The following KLHDC4 variants were observed in gnomAD, a reference collection of about 807,000 sequenced individuals.
The protein encoded by KLHDC4 is kelch domain-containing protein 4.
Under a neutral mutation model 62.4 loss-of-function variants are expected in KLHDC4, and 90 were observed. That is an observed-to-expected ratio of 1.44 (90% CI 1.22 to 1.72). KLHDC4 has a LOEUF of 1.72. Ranked by LOEUF, KLHDC4 falls within the 40% of genes most tolerant of loss-of-function variation. The pLI is 0.00. For missense variants in KLHDC4, 1,025 were observed against 699.7 expected, an observed-to-expected ratio of 1.47 and a Z score of -5.25; for synonymous variants, 386 against 284.4, an observed-to-expected ratio of 1.36 and a Z score of -3.59.
intron 6 of KLHDC4, among the ~76,000 whole-genome samples, chr16:87,729,068 T>A (rs564210808): frequency 3.5e-4 from 53 of 152,290 alleles, no homozygotes; most frequent in African/African-American, 1.2e-3. Context: ...TGAGCCACTG[T>A]ACCCAGCCTT....
intron 6 of KLHDC4, among the ~76,000 whole-genome samples, chr16:87,729,998 G>T (rs2040055982): frequency 6.6e-6 from 1 of 152,210 alleles, no homozygotes; most frequent in South Asian, 2.1e-4. Flanking sequence ...TTGTCACCCA[G>T]GCTGGAGTTC....
intron 7 of KLHDC4, among the ~76,000 whole-genome samples, chr16:87,726,176 G>A (rs112320123): frequency 2.6e-5 from 4 of 150,956 alleles, no homozygotes; most frequent in South Asian, 4.2e-4. Context: ...ATTTTCCCAC[G>A]CCGCAACTCA....
intron 4 of KLHDC4, among the ~76,000 whole-genome samples, chr16:87,751,157 C>A (rs1182651425): frequency 2.6e-5 from 4 of 152,214 alleles, no homozygotes; most frequent in African/African-American, 9.6e-5. Flanking sequence ...CATGCACGCT[C>A]CAGTTAGCGT....
intron 8 of KLHDC4, among the ~76,000 whole-genome samples, chr16:87,712,122 G>A (rs528446011): frequency 1.3e-5 from 2 of 148,558 alleles, no homozygotes; most frequent in South Asian, 4.2e-4. Flanking sequence ...CCCACCTTGG[G>A]CTGCAGTGTG....
At chr16:87,705,968 G>A (rs868460223), downstream of KLHDC4, among the ~76,000 whole-genome samples, 213 of 151,238 alleles carry the variant, frequency 1.4e-3, no homozygotes, top group Middle Eastern at 6.8e-3. Flanking sequence ...CTGCAGCCCT[G>A]TGCGGGGTCG....
intron 5 of KLHDC4, among the ~76,000 whole-genome samples, chr16:87,736,374 C>T (rs2041311370): frequency 6.6e-6 from 1 of 152,220 alleles, no homozygotes; most frequent in South Asian, 2.1e-4. Context: ...AGCCCGACAG[C>T]AGGACCACTG....
chr16:87,712,387 G>A (rs1227894197), intron 8 of KLHDC4, among the ~76,000 whole-genome samples: 2 of 152,232 alleles, frequency 1.3e-5, no homozygotes, highest in South Asian at 2.1e-4. Context: ...ATTCCCACCA[G>A]CACATGACTG....
intron 9 of KLHDC4, chr16:87,709,901 C>A: frequency 3.5e-6 from 2 of 569,272 alleles, no homozygotes; most frequent in Non-Finnish European, 6.2e-6. Context: ...AGAAAACCCC[C>A]CACTGCGTGT....
intron 2 of KLHDC4, among the ~76,000 whole-genome samples, chr16:87,757,053 G>C (rs931853280): frequency 6.6e-6 from 1 of 151,980 alleles, no homozygotes; most frequent in African/African-American, 2.4e-5. Flanking sequence ...GACCTCAAGT[G>C]ATCTGCCCAC....
intron 6 of KLHDC4, among the ~76,000 whole-genome samples, chr16:87,728,704 G>T (rs978006923): frequency 5.9e-5 from 9 of 152,128 alleles, no homozygotes; most frequent in Non-Finnish European, 1.0e-4. Context: ...CATAAGGCTA[G>T]GCGCGGGGGC....
At position 87,726,930 on chromosome 16, in the gene KLHDC4, T is replaced by G; in HGVS notation, c.600-6A>C. 6.2e-7 allele frequency: 1 copy of G among 1,613,652 alleles called. No individual in the cohort carries two copies. Among genetic ancestry groups the G allele is most frequent in the Non-Finnish European group, 8.5e-7 (1 of 1,179,722 alleles). On this transcript the variant is annotated splice_region_variant and splice_polypyrimidine_tract_variant and intron_variant, in intron 6 of 11. Transcript: ENST00000270583. The stretch of plus-strand genomic sequence containing the variant: ...CGTTGTAGTAGATGTAATCCCTGGT[T>G]AGAAGAACAGCAGCTGTCAGGGTCC...
At chr16:87,724,653 G>A (rs765744327) in intron 7 of KLHDC4, among the ~76,000 whole-genome samples, 4 of 152,196 alleles carry the variant, frequency 2.6e-5, no homozygotes, top group Non-Finnish European at 4.4e-5. Flanking sequence ...CACCAGAGCA[G>A]CTAAAAACAG....
chr16:87,701,368 C>A (rs376336985), exon 1 of KLHDC4: 7 of 318,598 alleles, frequency 2.2e-5, no homozygotes, highest in Non-Finnish European at 3.8e-5. Flanking sequence ...AAGCTGAATG[C>A]TCCTCCCAAG....
At chr16:87,709,835 TGCA>T in intron 9 of KLHDC4, 168 bp from the exon 10 acceptor site, 1 of 750,120 alleles carries the variant, frequency 1.3e-6, no homozygotes, top group Non-Finnish European at 2.1e-6. Flanking sequence ...GGCACTGGGC[TGCA>T]GGAGCACGCT....
rs924255720 is a variant in KLHDC4 at position 87,755,205 on chromosome 16, A to G, written c.358T>C (p.Cys120Arg). The G allele has an allele frequency of 2.5e-6, 4 of 1,607,896 alleles. No homozygotes were observed. The African/African-American group carries it at 5.3e-5, about 21-fold the overall frequency. The change falls in exon 4 of 12, where the codon TGT (cysteine) becomes CGT (arginine). Residue 120 changes from cysteine to arginine, a missense_variant. Transcript: ENST00000270583. Reference protein sequence around the residue: ...VDIPSPPPRRCAHQAVVVPQG... With the variant: ...VDIPSPPPRRRAHQAVVVPQG... ...AGTGCTGACATTACCTGGTGAGCAC[A>G]GCGCCTCGGAGGTGGACTGGGGATG... is the stretch of plus-strand genomic sequence containing the variant.
intron 6 of KLHDC4, among the ~76,000 whole-genome samples, chr16:87,729,895 T>C (rs2040033343): frequency 6.6e-6 from 1 of 152,250 alleles, no homozygotes; most frequent in African/African-American, 2.4e-5. Flanking sequence ...ATCAGCACTC[T>C]AACCAGCCCT....
At chr16:87,761,831 T>A in intron 2 of KLHDC4, 118 bp downstream of exon 2, 2 of 983,038 alleles carry the variant, frequency 2.0e-6, no homozygotes, top group Non-Finnish European at 3.2e-6. Context: ...AGAACAGGTT[T>A]TAATAATGAA....
Position 87,743,286 on chromosome 16 carries a change from G to A in KLHDC4, c.506+5387C>T, listed in dbSNP as rs1286095453. ...ACCTAGCTAACTTCTTTAGAGATGG[G>A]GTCTTACTATGTTGTCCCGGCTGGT... On this transcript the variant is annotated intron_variant, in intron 5 of 11. Transcript: ENST00000270583. Among the ~76,000 whole-genome samples the A allele has an allele frequency of 2.0e-5, 3 of 151,988 alleles. No individual in the cohort carries two copies. In the East Asian group the frequency reaches 5.8e-4, roughly 29 times the overall value.
In KLHDC4 at chr16:87,721,235, G is replaced by T. The variant is rs576124362; in HGVS notation, c.759+5530C>A. On this transcript the variant is annotated intron_variant, in intron 7 of 11. Coordinates refer to ENST00000270583, the MANE Select transcript of KLHDC4 (RefSeq NM_017566.4). Reference sequence around the variant, plus strand: ...GGAGATCGAGACCATCCTGGCTAACGCAGTAAAACCCCGTCTCTACTAAAA... The same window carrying T: ...GGAGATCGAGACCATCCTGGCTAACTCAGTAAAACCCCGTCTCTACTAAAA... 3.0e-4 allele frequency among the ~76,000 whole-genome samples: 46 copies of T among 152,038 alleles called. 1 individual carries two copies. The highest frequency in any genetic ancestry group is 2.3e-3 in the Admixed American group (35 of 15,266).
Sources: gnomAD v4.1 joint callset for allele counts (sites outside exome capture counted in the v4.1 genomes callset) on GRCh38, gnomAD v4.1.1 for gene constraint, MANE v1.5 for transcripts, NCBI Gene and HGNC (gene_info 2026-07-23, HGNC 2026-07-21) for gene names.